The following C14orf39 variants were observed in gnomAD, a reference collection of about 807,000 sequenced individuals.
C14orf39 encodes protein SIX6OS1.
A neutral mutation model predicts 85.6 loss-of-function variants in C14orf39; 66 were observed. The observed-to-expected ratio is 0.77, with a 90% confidence interval of 0.63 to 0.95. C14orf39 has a LOEUF of 0.95. C14orf39 is among the 40% of genes least tolerant of loss of function. C14orf39 has a pLI of 0.00. For synonymous variants in C14orf39, 242 were observed against 214.0 expected (o/e 1.13, Z -1.14); for missense variants, 735 against 663.9 (o/e 1.11, Z -1.18).
chr14:60,503,207 C>T (rs1893167054), intron 1 of C14orf39, among the ~76,000 whole-genome samples: 1 of 152,186 alleles, frequency 6.6e-6, no homozygotes, highest in Admixed American at 6.5e-5. Context: ...CCAGACTCCA[C>T]CAGTTTCCAC....
intron 9 of C14orf39, among the ~76,000 whole-genome samples, chr14:60,467,472 CTTTT>C (rs1437381796): frequency 6.6e-6 from 1 of 151,614 alleles, no homozygotes; most frequent in Non-Finnish European, 1.5e-5. Flanking sequence ...ATAAATGGGT[CTTTT>C]AAGTTTTTTA....
In C14orf39 at chr14:60,436,628, C is replaced by G; in HGVS notation, c.*217G>C. On this transcript the variant is annotated 3_prime_UTR_variant, in exon 18 of 18. Coordinates refer to ENST00000321731, the MANE Select transcript of C14orf39 (RefSeq NM_174978.3). ...ATAAAAGTTCTACCTGACCACGGCT[C>G]GCAAAATCAAAACCAAAATAAATAA... 2.9e-6 allele frequency: 1 copy of G among 341,240 alleles called. No individual in the cohort carries two copies. 21.1% of individuals were successfully genotyped at this position (341,240 alleles called of 1,614,324 possible). A position where few individuals can be genotyped will look rare whatever the true frequency, so the allele number is the denominator to read the frequency against.
chr14:60,465,998 T>C lies in C14orf39; in HGVS notation c.953A>G (p.Gln318Arg), dbSNP rs765468977. 13 of 1,559,954 alleles carry C rather than the reference T, an allele frequency of 8.3e-6. No homozygotes were observed. The South Asian group carries it at 1.4e-4, about 17-fold the overall frequency. ...QSKLANIDFR[Q>R]KENDTQIFND... ...ACCTACCTGTGTATCATTTTCTTTT[T>C]GTCTAAAGTCAATATTGGCAAGCTT... Residue 318 changes from glutamine to arginine, a missense_variant, in exon 11 of 18, where the codon CAA (glutamine) becomes CGA (arginine). Physicochemically the swap from Gln to Arg is conservative, Grantham distance 43. Coordinates refer to ENST00000321731, the MANE Select transcript of C14orf39 (RefSeq NM_174978.3).
chr14:60,500,997 G>A (rs1893137516), intron 1 of C14orf39, among the ~76,000 whole-genome samples: 1 of 152,108 alleles, frequency 6.6e-6, no homozygotes, highest in South Asian at 2.1e-4. Context: ...AGGAATGTGT[G>A]TGTACATGTA....
chr14:60,482,195 T>C (rs1892670989), intron 4 of C14orf39, among the ~76,000 whole-genome samples: 1 of 152,224 alleles, frequency 6.6e-6, no homozygotes, highest in South Asian at 2.1e-4. Context: ...ACAGTGTATC[T>C]AGGACACGGT....
intron 6 of C14orf39, 32 bp downstream of exon 6, chr14:60,471,520 T>C (rs749378597): frequency 2.9e-5 from 45 of 1,570,820 alleles, no homozygotes; most frequent in South Asian, 1.3e-4. Context: ...AAAGATATCA[T>C]AATTAAAACA....
At chr14:60,508,928 C>CG in intron 1 of C14orf39, 1 of 186,514 alleles carries the variant, frequency 5.4e-6, no homozygotes, top group Non-Finnish European at 1.1e-5. Flanking sequence ...AACGCTGCCG[C>CG]ACTCGCCTCT....
chr14:60,452,334 G>A (rs1266412674), intron 16 of C14orf39, among the ~76,000 whole-genome samples: 2 of 152,116 alleles, frequency 1.3e-5, no homozygotes, highest in Admixed American at 6.6e-5. Context: ...ATGAGATCCT[G>A]TCATTTGCAA....
At chr14:60,474,545 A>C (rs373213456) in intron 5 of C14orf39, among the ~76,000 whole-genome samples, 1 of 151,010 alleles carries the variant, frequency 6.6e-6, no homozygotes, top group Non-Finnish European at 1.5e-5. Flanking sequence ...GTTTGTCATA[A>C]ATAGCTCTTA....
chr14:60,445,274 T>C (rs893779822), intron 16 of C14orf39, among the ~76,000 whole-genome samples: 6 of 151,736 alleles, frequency 4.0e-5, no homozygotes, highest in African/African-American at 1.5e-4. Context: ...GACTGGAAAA[T>C]TGGATAAAGA....
intron 1 of C14orf39, among the ~76,000 whole-genome samples, chr14:60,504,113 A>C (rs971581455): frequency 6.6e-6 from 1 of 152,208 alleles, no homozygotes; most frequent in Admixed American, 6.5e-5. Flanking sequence ...GTCCCCTGGA[A>C]GTGGGGAAAC....
chr14:60,501,389 T>C (rs141040940), intron 1 of C14orf39, among the ~76,000 whole-genome samples: 3 of 144,666 alleles, frequency 2.1e-5, no homozygotes, highest in Non-Finnish European at 3.0e-5. Flanking sequence ...CATCCACACA[T>C]AGGAGAGAAA....
intron 2 of C14orf39, among the ~76,000 whole-genome samples, chr14:60,497,924 A>T (rs912763681): frequency 6.6e-6 from 1 of 152,002 alleles, no homozygotes; most frequent in Non-Finnish European, 1.5e-5. Flanking sequence ...AAGAAAGAAA[A>T]AAGAAAAAAA....
chr14:60,512,087 A>G (rs1698578791), intron 1 of C14orf39: 1 of 152,172 alleles, frequency 6.6e-6, no homozygotes, highest in Non-Finnish European at 1.5e-5. Flanking sequence ...GATATATTTA[A>G]GGCTAGAAAT....
At chr14:60,454,146 G>A (rs1177236461) in intron 16 of C14orf39, among the ~76,000 whole-genome samples, 1 of 146,020 alleles carries the variant, frequency 6.8e-6, no homozygotes, top group Non-Finnish European at 1.5e-5. Flanking sequence ...ACTATAACAT[G>A]TATAGTACTA....
intron 1 of C14orf39, among the ~76,000 whole-genome samples, chr14:60,500,706 G>A (rs780068138): frequency 1.3e-5 from 2 of 152,200 alleles, no homozygotes; most frequent in Non-Finnish European, 2.9e-5. Context: ...GAAAAAATGT[G>A]TGTCTCTGTG....
intron 1 of C14orf39, among the ~76,000 whole-genome samples, chr14:60,503,857 C>T (rs1893174033): frequency 6.6e-6 from 1 of 152,140 alleles, no homozygotes; most frequent in Non-Finnish European, 1.5e-5. Context: ...GCTCTGAGTC[C>T]TTTGTAAATG....
chr14:60,508,778 C>A (rs1893242725), intron 1 of C14orf39, among the ~76,000 whole-genome samples: 1 of 152,220 alleles, frequency 6.6e-6, no homozygotes, highest in East Asian at 1.9e-4. Context: ...TTGGCCCAGT[C>A]CTCTTTGTCC....
chr14:60,496,028 G>C (rs1477438538), intron 2 of C14orf39: 2 of 648,906 alleles, frequency 3.1e-6, no homozygotes, highest in East Asian at 9.4e-5. Context: ...TTGTGAAAGG[G>C]ATTTTGGCAT....
Sources: gnomAD v4.1 joint callset for allele counts (sites outside exome capture counted in the v4.1 genomes callset) on GRCh38, gnomAD v4.1.1 for gene constraint, MANE v1.5 for transcripts, NCBI Gene and HGNC (gene_info 2026-07-23, HGNC 2026-07-21) for gene names.